SLC22A8: variants seen among roughly 807,000 people sequenced by gnomAD.
SLC22A8 encodes the protein organic anion transporter 3.
A neutral mutation model predicts 48.4 loss-of-function variants in SLC22A8; 40 were observed. The ratio of observed to expected loss-of-function variants is 0.83; its 90% CI spans 0.64 to 1.08. SLC22A8 has a LOEUF of 1.08. Among genes scored for constraint, SLC22A8 ranks in the 50% least tolerant of loss-of-function variants. The pLI is 0.00. For synonymous variants in SLC22A8, 268 were observed against 286.3 expected, an observed-to-expected ratio of 0.94 and a Z score of 0.65; for missense variants, 606 against 699.0, an observed-to-expected ratio of 0.87 and a Z score of 1.50.
chr11:63,006,064 G>A (rs1397622640), intron 2 of SLC22A8, among the ~76,000 whole-genome samples: 3 of 152,130 alleles, frequency 2.0e-5, no homozygotes, highest in Admixed American at 6.5e-5. Flanking sequence ...GAGAGAGGAA[G>A]GTATTTAGAG....
intron 5 of SLC22A8, among the ~76,000 whole-genome samples, chr11:62,998,241 C>T (rs1406652894): frequency 2.0e-5 from 3 of 150,552 alleles, no homozygotes; most frequent in South Asian, 2.1e-4. Flanking sequence ...TGTGAGCCAC[C>T]GTGCCCGGCC....
intron 5 of SLC22A8, among the ~76,000 whole-genome samples, chr11:62,997,562 C>T (rs1353062234): frequency 6.6e-6 from 1 of 152,156 alleles, no homozygotes; most frequent in African/African-American, 2.4e-5. Context: ...TGAGACTTGC[C>T]CCAAGTCACA....
At position 63,014,902 on chromosome 11, in the gene SLC22A8, C is replaced by T. The variant is rs1565303995; in HGVS notation, c.57G>A (p.Leu19=). ...RVGSMGHFQF[L]HVAILGLPIL... ...TCGGGAGGCCCAGTATGGCTACATG[C>T]AGGAACTGGAAATGGCCCATGCTTC... The change falls in exon 2 of 11, where the codon CTG becomes CTA. Residue 19 remains leucine, a synonymous_variant. Coordinates refer to ENST00000336232, the MANE Select transcript of SLC22A8 (RefSeq NM_004254.4). The T allele has an allele frequency of 6.3e-7, 1 of 1,589,474 alleles. No homozygotes were observed. The highest frequency in any genetic ancestry group is 1.1e-5 in the South Asian group (1 of 87,186).
intron 2 of SLC22A8, among the ~76,000 whole-genome samples, chr11:63,007,243 G>T (rs990084088): frequency 6.6e-6 from 1 of 152,168 alleles, no homozygotes; most frequent in African/African-American, 2.4e-5. Flanking sequence ...TCAACCTCCT[G>T]GTGGTTCTGT....
At chr11:62,993,396 AC>A (rs2086367397) in intron 10 of SLC22A8, 27 bp downstream of exon 10, 1 of 1,613,378 alleles carries the variant, frequency 6.2e-7, no homozygotes, top group Admixed American at 1.7e-5. Context: ...AGGGAGGAGC[AC>A]TGATGGGGCC....
At position 62,994,865 on chromosome 11, in the gene SLC22A8, T is replaced by C. The variant is rs989207643; in HGVS notation, c.1002-109A>G. On this transcript the variant is annotated intron_variant, in intron 7 of 10. Transcript: ENST00000336232. The stretch of plus-strand genomic sequence containing the variant: ...GAATAGCTTCACTTCTTGTGCCAAC[T>C]GCAACTGATGATAGGGGCTGCTTGA... 7 of 802,226 alleles carry C rather than the reference T, an allele frequency of 8.7e-6. No homozygotes were observed. In the East Asian group the frequency reaches 1.8e-4, roughly 20 times the overall value. The allele number at this position is 802,226 out of a possible 1,614,324, so 49.7% of individuals were successfully genotyped here.
chr11:63,001,494 C>A (rs1423857858), intron 2 of SLC22A8, among the ~76,000 whole-genome samples: 1 of 152,184 alleles, frequency 6.6e-6, no homozygotes, highest in African/African-American at 2.4e-5. Flanking sequence ...ATTTTTACGG[C>A]GCACAATGGA....
rs539024496 is a variant in SLC22A8, at chr11:63,008,570, C to A, written c.333+6056G>T. Among the ~76,000 whole-genome samples the A allele has an allele frequency of 1.2e-3, 179 of 152,286 alleles. 1 individual carries two copies. Among genetic ancestry groups the A allele is most frequent in the Non-Finnish European group, 2.2e-3 (152 of 68,020 alleles). The stretch of plus-strand genomic sequence containing the variant: ...GCCTCTTCATCAGTACCCACAGGTA[C>A]CTAGTACCTGCTTCTCAGGCTTGTG... On this transcript the variant is annotated intron_variant, in intron 2 of 10. Coordinates refer to ENST00000336232, the MANE Select transcript of SLC22A8 (RefSeq NM_004254.4).
At chr11:62,999,656 A>G in intron 4 of SLC22A8, 32 bp downstream of exon 4, 1 of 1,458,806 alleles carries the variant, frequency 6.9e-7, no homozygotes, top group Non-Finnish European at 9.1e-7. Flanking sequence ...GGTGCTCCCC[A>G]AAGCCCAGCT....
At chr11:63,013,067 A>G (rs1023756277) in intron 2 of SLC22A8, among the ~76,000 whole-genome samples, 8 of 152,156 alleles carry the variant, frequency 5.3e-5, no homozygotes, top group Non-Finnish European at 1.0e-4. Flanking sequence ...TCTGTGCTTC[A>G]GTTTCCCCAT....
intron 8 of SLC22A8, 62 bp downstream of exon 8, chr11:62,994,480 G>A (rs2086384800): frequency 7.6e-7 from 1 of 1,309,694 alleles, no homozygotes; most frequent in Non-Finnish European, 1.1e-6. Context: ...CAGCAGTGAA[G>A]TCCCTGGCAC....
rs780105986 is a variant in SLC22A8, at chr11:62,995,824, G to A, written c.886-5C>T. 3.7e-6 allele frequency: 6 copies of A among 1,605,124 alleles called. No individual in the cohort carries two copies. Among genetic ancestry groups the A allele is most frequent in the East Asian group, 2.2e-5 (1 of 44,830 alleles). On this transcript the variant is annotated splice_region_variant and splice_polypyrimidine_tract_variant and intron_variant, in intron 6 of 10. Transcript: ENST00000336232. ...CTGCAGGTTGAGTTTGAGCTCCTTC[G>A]GGCAGAGGAGGGGGAGGGGTGCCAT...
At chr11:63,014,542 C>A in intron 2 of SLC22A8, 84 bp downstream of exon 2, 3 of 1,261,140 alleles carry the variant, frequency 2.4e-6, no homozygotes, top group Non-Finnish European at 3.3e-6. Context: ...GAACACCAGA[C>A]CCCAGCCTCC....
intron 2 of SLC22A8, among the ~76,000 whole-genome samples, chr11:63,014,168 A>G (rs1244194889): frequency 6.6e-6 from 1 of 152,122 alleles, no homozygotes; most frequent in African/African-American, 2.4e-5. Flanking sequence ...TCTCAGTTCC[A>G]GGGGCATTTC....
At position 62,996,061 on chromosome 11, in the gene SLC22A8, T is replaced by A. The variant is rs1211681162; in HGVS notation, c.853A>T (p.Lys285Ter). 2.5e-6 allele frequency: 4 copies of A among 1,613,996 alleles called. No homozygotes were observed. In the Admixed American group the frequency reaches 5.0e-5, roughly 20 times the overall value. ...ILRRVAVFNG[K>*]KEEGERLSLE... ...CTGAGCCTTTCTCCCTCTTCCTTCT[T>A]GCCATTGAAGACAGCCACCCGCCGG... is the stretch of plus-strand genomic sequence containing the variant. The change falls in exon 6 of 11, where the codon AAG becomes TAG. Residue 285 changes from lysine to a stop codon, truncating the protein, a stop_gained. Coordinates refer to ENST00000336232, the MANE Select transcript of SLC22A8 (RefSeq NM_004254.4). LOFTEE classifies it high-confidence loss of function.
intron 5 of SLC22A8, among the ~76,000 whole-genome samples, chr11:62,997,131 T>C (rs1287518311): frequency 6.6e-6 from 1 of 152,274 alleles, no homozygotes; most frequent in Admixed American, 6.5e-5. Context: ...ATGGCAGGAA[T>C]GGCTTACAGT....
At position 62,999,055 on chromosome 11, in the gene SLC22A8, G is replaced by A; in HGVS notation, c.627C>T (p.Ile209=). Residue 209 remains isoleucine (I), a synonymous_variant, in exon 5 of 11, where the codon ATC becomes ATT. Transcript: ENST00000336232. ...AGCAGTACCCGAGTGCTGTCGACATGATGGCCCGCATCCGGGTAGGCACCC... is the reference window on the plus strand; with the variant it reads ...AGCAGTACCCGAGTGCTGTCGACATAATGGCCCGCATCCGGGTAGGCACCC... ...VEWVPTRMRA[I]MSTALGYCYT... 2.5e-6 allele frequency: 4 copies of A among 1,614,004 alleles called. No individual in the cohort carries two copies. The highest frequency in any genetic ancestry group is 1.3e-5 in the African/African-American group (1 of 75,076).
At chr11:63,014,559 G>GC (rs2086652580) in intron 2 of SLC22A8, 67 bp downstream of exon 2, 22 of 1,349,554 alleles carry the variant, frequency 1.6e-5, no homozygotes, top group Non-Finnish European at 2.0e-5. Flanking sequence ...CTCCTCTGCT[G>GC]CCCACCAGCG....
At position 62,994,678 on chromosome 11, in the gene SLC22A8, G is replaced by A. The variant is rs1255627716; in HGVS notation, c.1080C>T (p.Ile360=). ...EFGVNLYILQ[I]IFGGVDVPAK... ...CTGGGACATCGACCCCACCAAAGAT[G>A]ATCTGGAGGATGTAGAGGTTGACTC... The change falls in exon 8 of 11, where the codon ATC becomes ATT. Residue 360 remains isoleucine, a synonymous_variant. Coordinates refer to ENST00000336232, the MANE Select transcript of SLC22A8 (RefSeq NM_004254.4). The A allele has an allele frequency of 3.7e-6, 6 of 1,614,120 alleles. No homozygotes were observed. Among genetic ancestry groups the A allele is most frequent in the Non-Finnish European group, 8.5e-7 (1 of 1,180,044 alleles).
Sources: allele counts gnomAD v4.1 joint callset (sites outside exome capture counted in the v4.1 genomes callset), GRCh38; gene constraint gnomAD v4.1.1; transcripts MANE v1.5; gene names NCBI Gene and HGNC (gene_info 2026-07-23, HGNC 2026-07-21).